ST6GALNAC5: variants seen among roughly 807,000 people sequenced by gnomAD.
The protein encoded by ST6GALNAC5 is ST6 N-acetylgalactosaminide alpha-2,6-sialyltransferase 5, also known as alpha-N-acetylgalactosaminide alpha-2,6-sialyltransferase 5.
In ST6GALNAC5, 27 loss-of-function variants were observed where a neutral mutation model predicts 33.6. That is an observed-to-expected ratio of 0.80 (90% CI 0.59 to 1.11). The LOEUF is 1.11. Among genes scored for constraint, ST6GALNAC5 ranks in the 50% least tolerant of loss-of-function variants. ST6GALNAC5 has a pLI of 0.00. For missense variants in ST6GALNAC5, 428 were observed against 454.0 expected, an observed-to-expected ratio of 0.94 and a Z score of 0.52; for synonymous variants, 194 against 171.2, an observed-to-expected ratio of 1.13 and a Z score of -1.04.
intron 2 of ST6GALNAC5, among the ~76,000 whole-genome samples, chr1:77,034,854 A>C: frequency 6.6e-6 from 1 of 152,216 alleles, no homozygotes; most frequent in East Asian, 1.9e-4. Flanking sequence ...GTGAGTACCC[A>C]GTGACTTTGA....
intron 2 of ST6GALNAC5, among the ~76,000 whole-genome samples, chr1:76,929,398 G>A (rs1285394384): frequency 6.6e-6 from 1 of 152,040 alleles, no homozygotes; most frequent in Non-Finnish European, 1.5e-5. Context: ...AAATAGAAGG[G>A]CATTGTGTTG....
chr1:77,020,512 C>T (rs1368795828), intron 2 of ST6GALNAC5, among the ~76,000 whole-genome samples: 1 of 152,108 alleles, frequency 6.6e-6, no homozygotes, highest in Non-Finnish European at 1.5e-5. Context: ...GCGATCATCC[C>T]ACCTCAGCTC....
chr1:76,887,347 C>A (rs1319969377), intron 2 of ST6GALNAC5, among the ~76,000 whole-genome samples: 1 of 152,110 alleles, frequency 6.6e-6, no homozygotes, highest in African/African-American at 2.4e-5. Context: ...GCATTGCATT[C>A]TTTTTCAGAC....
intron 2 of ST6GALNAC5, among the ~76,000 whole-genome samples, chr1:76,927,317 A>T (rs1647095511): frequency 6.6e-6 from 1 of 152,096 alleles, no homozygotes; most frequent in South Asian, 2.1e-4. Context: ...TTTCCTCAAC[A>T]TTGGCTATAT....
intron 2 of ST6GALNAC5, among the ~76,000 whole-genome samples, chr1:77,019,958 T>C (rs1650990440): frequency 2.0e-5 from 3 of 152,204 alleles, no homozygotes; most frequent in African/African-American, 4.8e-5. Flanking sequence ...CACAGCCACA[T>C]TGCCAACACA....
chr1:77,027,041 G>A lies in ST6GALNAC5; in HGVS notation c.262-17163G>A, dbSNP rs531179199. Among the ~76,000 whole-genome samples the A allele has an allele frequency of 7.9e-5, 12 of 152,296 alleles. No individual in the cohort carries two copies. In the South Asian group the frequency reaches 2.3e-3, roughly 29 times the overall value. On this transcript the variant is annotated intron_variant, in intron 2 of 4. Coordinates refer to ENST00000477717, the MANE Select transcript of ST6GALNAC5 (RefSeq NM_030965.3). ...TCTGGGAGAGGTGGTGCTGACAAGA[G>A]AGTTTCTTCACCTCCACTCCAAAGA...
intron 4 of ST6GALNAC5, among the ~76,000 whole-genome samples, chr1:77,056,758 T>G (rs1652413549): frequency 6.6e-6 from 1 of 152,134 alleles, no homozygotes; most frequent in African/African-American, 2.4e-5. Context: ...AGGGTGAGGG[T>G]GGGGCTTGAG....
chr1:76,905,661 T>C (rs1646857848), intron 2 of ST6GALNAC5, among the ~76,000 whole-genome samples: 3 of 152,234 alleles, frequency 2.0e-5, no homozygotes, highest in Non-Finnish European at 2.9e-5. Flanking sequence ...GTGTTGATAA[T>C]GACTAAAAAT....
intron 2 of ST6GALNAC5, among the ~76,000 whole-genome samples, chr1:76,951,588 A>G (rs1468932358): frequency 6.6e-6 from 1 of 152,120 alleles, no homozygotes; most frequent in African/African-American, 2.4e-5. Flanking sequence ...TACCTATGTA[A>G]CAAACCTGCA....
At chr1:76,992,038 T>C (rs1649751734) in intron 2 of ST6GALNAC5, among the ~76,000 whole-genome samples, 1 of 152,170 alleles carries the variant, frequency 6.6e-6, no homozygotes, top group Admixed American at 6.5e-5. Flanking sequence ...AAATCAACAA[T>C]TTCTATACTC....
Position 77,064,692 on chromosome 1 carries a change from T to C in ST6GALNAC5, c.*1486T>C, listed in dbSNP as rs538498341. 26 of 152,312 alleles carry C rather than the reference T, an allele frequency of 1.7e-4. No homozygotes were observed. Among genetic ancestry groups the C allele is most frequent in the African/African-American group, 5.8e-4 (24 of 41,586 alleles). The allele number at this position is 152,312 out of a possible 1,614,324, so 9.4% of individuals were successfully genotyped here. ...TTAAACAAGTAATATTGTTCAAAAA[T>C]AGTCTCTTATAAATATACTAGTGTT... On this transcript the variant is annotated 3_prime_UTR_variant, in exon 5 of 5. Transcript: ENST00000477717.
At chr1:77,058,320 G>C (rs932543930) in intron 4 of ST6GALNAC5, among the ~76,000 whole-genome samples, 1 of 152,220 alleles carries the variant, frequency 6.6e-6, no homozygotes, top group African/African-American at 2.4e-5. Flanking sequence ...ATCTCATGTT[G>C]AAATTTGATC....
chr1:76,983,464 C>G (rs1270833759), intron 2 of ST6GALNAC5, among the ~76,000 whole-genome samples: 1 of 152,188 alleles, frequency 6.6e-6, no homozygotes, highest in Non-Finnish European at 1.5e-5. Flanking sequence ...GAAGAGCTAA[C>G]TATCCTAAAT....
intron 2 of ST6GALNAC5, among the ~76,000 whole-genome samples, chr1:76,881,197 T>A (rs1021810440): frequency 2.6e-5 from 4 of 152,104 alleles, no homozygotes; most frequent in Admixed American, 2.0e-4. Flanking sequence ...GTCAGTGAAT[T>A]TATGATCAAA....
intron 2 of ST6GALNAC5, among the ~76,000 whole-genome samples, chr1:76,889,664 T>G (rs1418499753): frequency 6.6e-6 from 1 of 152,114 alleles, no homozygotes; most frequent in Non-Finnish European, 1.5e-5. Flanking sequence ...CCCCTTAATC[T>G]GTTCTCTTCG....
chr1:76,965,216 C>A (rs950040053), intron 2 of ST6GALNAC5, among the ~76,000 whole-genome samples: 4 of 38,406 alleles, frequency 1.0e-4, no homozygotes, highest in African/African-American at 1.7e-4. Flanking sequence ...TAGTTTACCA[C>A]CCCCCCCACC....
intron 2 of ST6GALNAC5, among the ~76,000 whole-genome samples, chr1:76,945,095 T>C (rs1033834959): frequency 6.6e-6 from 1 of 151,938 alleles, no homozygotes; most frequent in African/African-American, 2.4e-5. Context: ...GTGGCACACA[T>C]AGTAACGCTC....
intron 2 of ST6GALNAC5, among the ~76,000 whole-genome samples, chr1:76,982,301 G>GTTTATTCTT (rs1328036986): frequency 4.6e-5 from 7 of 152,144 alleles, no homozygotes; most frequent in African/African-American, 1.7e-4. Context: ...AGAATAAACA[G>GTTTATTCTT]TAAAGAGAAG....
rs1034260252 is a variant in ST6GALNAC5, at chr1:77,066,254, C to A, written c.*3048C>A. On this transcript the variant is annotated 3_prime_UTR_variant, in exon 5 of 5. Coordinates refer to ENST00000477717, the MANE Select transcript of ST6GALNAC5 (RefSeq NM_030965.3). ...ATCAGATTTCAGAGTAAGATCTTTT[C>A]TTTAAAAAAAAAAATAGATGAAAGC... 6.6e-5 allele frequency among the ~76,000 whole-genome samples: 10 copies of A among 151,168 alleles called. No individual in the cohort carries two copies. Among genetic ancestry groups the A allele is most frequent in the African/African-American group, 2.4e-4 (10 of 41,136 alleles).
Sources: gnomAD v4.1 joint callset for allele counts (sites outside exome capture counted in the v4.1 genomes callset) on GRCh38, gnomAD v4.1.1 for gene constraint, MANE v1.5 for transcripts, NCBI Gene and HGNC (gene_info 2026-07-23, HGNC 2026-07-21) for gene names.